EPHB2: variants seen among roughly 807,000 people sequenced by gnomAD.
EPHB2 encodes the protein ephrin type-B receptor 2.
EPHB2 carries 18 observed loss-of-function variants against 96.4 expected under a neutral mutation model. That is an observed-to-expected ratio of 0.19 (90% CI 0.13 to 0.28). EPHB2 has a LOEUF of 0.28. Among genes scored for constraint, EPHB2 ranks in the 10% least tolerant of loss-of-function variants. The pLI, the probability that EPHB2 is intolerant of heterozygous loss-of-function variation, is 1.00. For synonymous variants in EPHB2, 506 were observed against 534.1 expected (o/e 0.95, Z 0.72); for missense variants, 989 against 1,355.4 (o/e 0.73, Z 4.25).
chr1:22,891,246 A>G, intron 6 of EPHB2: 1 of 454,998 alleles, frequency 2.2e-6, no homozygotes, highest in South Asian at 1.6e-5. Context: ...TCCATGCTAT[A>G]AAGCCTGTAA....
At chr1:22,907,092 TC>T in intron 11 of EPHB2, 135 bp downstream of exon 11, 1 of 1,248,554 alleles carries the variant, frequency 8.0e-7, no homozygotes, top group Non-Finnish European at 1.1e-6. Flanking sequence ...GCTGTCACTT[TC>T]CATTCCCTTA....
intron 1 of EPHB2, among the ~76,000 whole-genome samples, chr1:22,752,117 G>T (rs1391510287): frequency 6.6e-6 from 1 of 152,232 alleles, no homozygotes; most frequent in Non-Finnish European, 1.5e-5. Flanking sequence ...ACTTAAACAT[G>T]ATGAGTGTTC....
intron 1 of EPHB2, among the ~76,000 whole-genome samples, chr1:22,760,810 A>T (rs986842489): frequency 2.0e-5 from 3 of 152,112 alleles, no homozygotes. Context: ...ATCACTTAGG[A>T]TGACAGGCTT....
chr1:22,840,058 T>C (rs777956957), intron 3 of EPHB2, among the ~76,000 whole-genome samples: 11 of 152,148 alleles, frequency 7.2e-5, no homozygotes, highest in Non-Finnish European at 1.6e-4. Context: ...CAGTAAATCT[T>C]GGACGGATAT....
At position 22,906,984 on chromosome 1, in the gene EPHB2, C is replaced by T. The variant is rs2124106833; in HGVS notation, c.2136+27C>T. ...TAGGGGAAGCCAAGAGGGCCAGGGGCCCATGAATGGGGCAGGAAAAGGAAC... is the reference window on the plus strand; with the variant it reads ...TAGGGGAAGCCAAGAGGGCCAGGGGTCCATGAATGGGGCAGGAAAAGGAAC... On this transcript the variant is annotated intron_variant, in intron 11 of 15. Coordinates refer to ENST00000374630, the MANE Select transcript of EPHB2 (RefSeq NM_017449.5). The surrounding 1 kb of genome is among the most constrained non-coding windows in gnomAD (Gnocchi z 4.8). 1 of 1,584,408 alleles carries T rather than the reference C, an allele frequency of 6.3e-7. No homozygotes were observed. Among genetic ancestry groups the T allele is most frequent in the Non-Finnish European group, 8.6e-7 (1 of 1,164,318 alleles).
chr1:22,806,605 C>T (rs1487944848), intron 3 of EPHB2, among the ~76,000 whole-genome samples: 1 of 152,200 alleles, frequency 6.6e-6, no homozygotes, highest in African/African-American at 2.4e-5. Flanking sequence ...TAAGGTCCTA[C>T]TGCGTGTGCT....
At chr1:22,791,916 A>G (rs1644699403) in intron 3 of EPHB2, among the ~76,000 whole-genome samples, 1 of 152,126 alleles carries the variant, frequency 6.6e-6, no homozygotes, top group Non-Finnish European at 1.5e-5. Context: ...TTTGACAAAC[A>G]TTGCCAAATT....
intron 1 of EPHB2, chr1:22,775,180 A>T: frequency 3.8e-6 from 3 of 779,760 alleles, no homozygotes; most frequent in Non-Finnish European, 7.2e-6. Flanking sequence ...CTTAAAAATA[A>T]CACAGTTGTG....
intron 15 of EPHB2, 66 bp downstream of exon 15, chr1:22,912,665 T>A: frequency 6.2e-7 from 1 of 1,602,630 alleles, no homozygotes; most frequent in African/African-American, 1.3e-5. Context: ...ACCAGCCAAG[T>A]GGGGTGATCT....
intron 6 of EPHB2, among the ~76,000 whole-genome samples, chr1:22,883,808 C>T (rs1175683615): frequency 6.6e-6 from 1 of 152,206 alleles, no homozygotes; most frequent in Non-Finnish European, 1.5e-5. Flanking sequence ...GCAGTGCATT[C>T]CAAGAGGTCA....
intron 5 of EPHB2, among the ~76,000 whole-genome samples, chr1:22,865,511 A>G (rs992507308): frequency 2.0e-4 from 30 of 152,212 alleles, no homozygotes; most frequent in African/African-American, 7.2e-4. Context: ...TCATGGGAGA[A>G]TCCAGAGGTG....
intron 9 of EPHB2, among the ~76,000 whole-genome samples, chr1:22,903,538 G>T (rs1422324398): frequency 1.3e-5 from 2 of 152,240 alleles, no homozygotes; most frequent in Non-Finnish European, 2.9e-5. Context: ...TAACAGACCT[G>T]GCTTCAAATC....
Position 22,818,687 on chromosome 1 carries a change from T to C in EPHB2, c.811+33611T>C, listed in dbSNP as rs1195938812. ...CTCTGAGCCTTGGCACATGCTGTTCTCTAGGCCTAGAATTCCCCTCTTTCT... is the reference window on the plus strand; with the variant it reads ...CTCTGAGCCTTGGCACATGCTGTTCCCTAGGCCTAGAATTCCCCTCTTTCT... On this transcript the variant is annotated intron_variant, in intron 3 of 15. Transcript: ENST00000374630. Among the ~76,000 whole-genome samples the C allele has an allele frequency of 2.0e-5, 3 of 152,204 alleles. No homozygotes were observed. The East Asian group carries it at 5.8e-4, about 30-fold the overall frequency.
At chr1:22,722,206 A>G (rs1643483519) in intron 1 of EPHB2, among the ~76,000 whole-genome samples, 1 of 151,896 alleles carries the variant, frequency 6.6e-6, no homozygotes, top group African/African-American at 2.4e-5. Context: ...CATGTTGGCC[A>G]GGCTGGTCTC....
In EPHB2 at chr1:22,920,409, G is replaced by A. The variant is rs1209776451; in HGVS notation, c.*6839G>A. On this transcript the variant is annotated 3_prime_UTR_variant, in exon 16 of 16. Coordinates refer to ENST00000374630, the MANE Select transcript of EPHB2 (RefSeq NM_017449.5). ...GAAGCAGAACCCCTTCCTATTCAGA[G>A]CCAGAGTCTTAACACTGGACAACCA... 1 of 152,282 alleles carries A rather than the reference G, an allele frequency of 6.6e-6. No individual in the cohort carries two copies. 9.4% of individuals were successfully genotyped at this position (152,282 alleles called of 1,614,324 possible). A position where few individuals can be genotyped will look rare whatever the true frequency, so the allele number is the denominator to read the frequency against.
intron 1 of EPHB2, among the ~76,000 whole-genome samples, chr1:22,738,199 C>T (rs1643866711): frequency 6.6e-6 from 1 of 152,204 alleles, no homozygotes; most frequent in Admixed American, 6.5e-5. Flanking sequence ...GCTTTGTTCA[C>T]TTGGGATCCT....
chr1:22,835,119 C>T (rs965466373), intron 3 of EPHB2, among the ~76,000 whole-genome samples: 5 of 152,146 alleles, frequency 3.3e-5, no homozygotes, highest in African/African-American at 1.2e-4. Context: ...TGGCTCACAC[C>T]TGTAGTCCCA....
intron 3 of EPHB2, among the ~76,000 whole-genome samples, chr1:22,803,067 G>A (rs1290480682): frequency 6.6e-6 from 1 of 152,182 alleles, no homozygotes; most frequent in Non-Finnish European, 1.5e-5. Flanking sequence ...AGGGCCACCA[G>A]CACAGAGACC....
chr1:22,790,162 G>C lies in EPHB2; in HGVS notation c.811+5086G>C, dbSNP rs1027797533. ...TGGATGGGTGAAGGTAGGGAGGAAG[G>C]GAATTGTAGGCAGAGAGAACTATAC... On this transcript the variant is annotated intron_variant, in intron 3 of 15. Transcript: ENST00000374630. This position sits in a 1 kb window ranked among gnomAD's most constrained non-coding sequence, Gnocchi z 4.0. 3.3e-5 allele frequency among the ~76,000 whole-genome samples: 5 copies of C among 152,144 alleles called. No homozygotes were observed. The highest frequency in any genetic ancestry group is 7.4e-5 in the Non-Finnish European group (5 of 68,020).
Sources: allele counts gnomAD v4.1 joint callset (sites outside exome capture counted in the v4.1 genomes callset), GRCh38; gene constraint gnomAD v4.1.1; non-coding constraint Gnocchi (gnomAD v3.1); transcripts MANE v1.5; gene names NCBI Gene and HGNC (gene_info 2026-07-23, HGNC 2026-07-21).